Variants in PAX5 observed in about 807,000 individuals in gnomAD.
The protein encoded by PAX5 is paired box 5.
A neutral mutation model predicts 43.7 loss-of-function variants in PAX5; 9 were observed. The observed-to-expected ratio is 0.21, with a 90% CI of 0.12 to 0.36. The LOEUF (loss-of-function observed/expected upper bound fraction) is 0.36, where lower values mean the gene tolerates loss of function less well. Ranked by LOEUF, PAX5 falls within the 10% of genes least tolerant of loss-of-function variation. PAX5 has a pLI of 1.00. For missense variants in PAX5, 383 were observed against 532.7 expected (o/e 0.72, Z 2.77); for synonymous variants, 228 against 214.3 (o/e 1.06, Z -0.56).
chr9:36,933,268 G>A (rs1158146401), intron 6 of PAX5, among the ~76,000 whole-genome samples: 1 of 152,154 alleles, frequency 6.6e-6, no homozygotes, highest in Non-Finnish European at 1.5e-5. Context: ...ACAAATACCT[G>A]TGAAATAACG....
chr9:36,843,492 T>C (rs1486016325), intron 9 of PAX5, among the ~76,000 whole-genome samples: 1 of 152,234 alleles, frequency 6.6e-6, no homozygotes, highest in Non-Finnish European at 1.5e-5. Flanking sequence ...GGGATGACTA[T>C]CCTCAATTTA....
At chr9:36,885,308 C>T (rs538875435) in intron 7 of PAX5, among the ~76,000 whole-genome samples, 1 of 152,318 alleles carries the variant, frequency 6.6e-6, no homozygotes, top group South Asian at 2.1e-4. Flanking sequence ...GACAGCAGAG[C>T]ACAGTGACGA....
At chr9:37,021,114 G>A (rs764919049) in intron 1 of PAX5, among the ~76,000 whole-genome samples, 1 of 151,454 alleles carries the variant, frequency 6.6e-6, no homozygotes, top group African/African-American at 2.4e-5. Flanking sequence ...AAACGAAATG[G>A]GCACAACTTA....
intron 8 of PAX5, among the ~76,000 whole-genome samples, chr9:36,869,306 T>C (rs949634368): frequency 2.0e-5 from 3 of 152,186 alleles, no homozygotes; most frequent in Admixed American, 1.3e-4. Flanking sequence ...TTTGTCTTCA[T>C]TGTTCCTGCT....
chr9:37,007,558 C>T (rs1395623981), intron 3 of PAX5: 1 of 152,194 alleles, frequency 6.6e-6, no homozygotes, highest in Non-Finnish European at 1.5e-5. Flanking sequence ...CGAAAAGCTC[C>T]TTCGGATCTA....
chr9:36,865,951 C>T (rs1587808765), intron 8 of PAX5, among the ~76,000 whole-genome samples: 1 of 152,216 alleles, frequency 6.6e-6, no homozygotes, highest in African/African-American at 2.4e-5. Flanking sequence ...TGCCCATCCT[C>T]GGGCAGGTGG....
chr9:36,924,249 G>A (rs1377045785), intron 6 of PAX5, among the ~76,000 whole-genome samples: 2 of 152,130 alleles, frequency 1.3e-5, no homozygotes, highest in Non-Finnish European at 2.9e-5. Context: ...GCCATTTCAC[G>A]AAATCAGAGT....
At chr9:36,941,551 GA>G (rs1354361925) in intron 6 of PAX5, among the ~76,000 whole-genome samples, 1 of 152,120 alleles carries the variant, frequency 6.6e-6, no homozygotes, top group African/African-American at 2.4e-5. Flanking sequence ...TGAGGGATAG[GA>G]AAGAACGGAA....
chr9:36,962,375 G>A (rs1834043118), intron 6 of PAX5, among the ~76,000 whole-genome samples: 1 of 152,158 alleles, frequency 6.6e-6, no homozygotes, highest in South Asian at 2.1e-4. Flanking sequence ...TTCCAGCTCT[G>A]CGGTTCAACA....
chr9:36,968,402 G>T (rs1488756190), intron 5 of PAX5, among the ~76,000 whole-genome samples: 1 of 152,256 alleles, frequency 6.6e-6, no homozygotes, highest in Non-Finnish European at 1.5e-5. Context: ...CAACTGCAAT[G>T]CAGGGCTGAC....
intron 4 of PAX5, among the ~76,000 whole-genome samples, chr9:37,006,198 C>CAT (rs1564069023): frequency 8.5e-6 from 1 of 118,096 alleles, no homozygotes; most frequent in East Asian, 2.4e-4. Context: ...ATTCTATAGA[C>CAT]CCCCATTAGT....
At chr9:37,033,898 C>T in intron 1 of PAX5, 88 bp downstream of exon 1, 1 of 1,198,434 alleles carries the variant, frequency 8.3e-7, no homozygotes, top group Non-Finnish European at 1.2e-6. Flanking sequence ...CGGCGCGCCC[C>T]CTCCTCCTCC....
intron 6 of PAX5, chr9:36,930,806 A>G (rs1245542116): frequency 3.1e-6 from 4 of 1,293,444 alleles, no homozygotes; most frequent in Admixed American, 4.6e-5. Context: ...TGAGAGGTTC[A>G]GGAATTCTAG....
At chr9:36,868,101 C>T (rs1825077803) in intron 8 of PAX5, among the ~76,000 whole-genome samples, 1 of 152,174 alleles carries the variant, frequency 6.6e-6, no homozygotes, top group African/African-American at 2.4e-5. Flanking sequence ...AAATAAATAA[C>T]TCAAACAGAG....
chr9:36,858,589 G>A (rs1318868191), intron 8 of PAX5, among the ~76,000 whole-genome samples: 2 of 152,220 alleles, frequency 1.3e-5, no homozygotes, highest in Non-Finnish European at 2.9e-5. Flanking sequence ...GGCTTTTTCT[G>A]TGTTTGGGCA....
chr9:36,935,238 G>A (rs1831450923), intron 6 of PAX5, among the ~76,000 whole-genome samples: 1 of 152,098 alleles, frequency 6.6e-6, no homozygotes, highest in African/African-American at 2.4e-5. Flanking sequence ...AAATTAGCCG[G>A]GCATGGTGGT....
At chr9:36,952,245 T>TTTTC (rs1833071281) in intron 6 of PAX5, among the ~76,000 whole-genome samples, 1 of 137,590 alleles carries the variant, frequency 7.3e-6, no homozygotes, top group Non-Finnish European at 1.6e-5. Flanking sequence ...TTTTTTTTTT[T>TTTTC]TTTTTTTTTT....
At chr9:37,008,599 C>G (rs920095007) in intron 3 of PAX5, among the ~76,000 whole-genome samples, 2 of 152,196 alleles carry the variant, frequency 1.3e-5, no homozygotes, top group African/African-American at 4.8e-5. Flanking sequence ...GTGTCCTCAG[C>G]TGATAGCCTG....
At chr9:36,949,415 A>C in intron 6 of PAX5, among the ~76,000 whole-genome samples, 1 of 138,634 alleles carries the variant, frequency 7.2e-6, no homozygotes, top group African/African-American at 2.5e-5. Flanking sequence ...AGGATAAAGC[A>C]GTGGTAAAGC....
Sources: allele counts gnomAD v4.1 joint callset (sites outside exome capture counted in the v4.1 genomes callset), GRCh38; gene constraint gnomAD v4.1.1; transcripts MANE v1.5; gene names NCBI Gene and HGNC (gene_info 2026-07-23, HGNC 2026-07-21).